The following TBC1D25 variants were observed in gnomAD, a reference collection of about 807,000 sequenced individuals.
TBC1D25 encodes the protein TBC1 domain family member 25, also known as 5SN3 snoRNA.
In TBC1D25, 13 loss-of-function variants were observed where a neutral mutation model predicts 38.8. The observed-to-expected ratio is 0.34, with a 90% CI of 0.22 to 0.53. TBC1D25 has a LOEUF of 0.53. Among genes scored for constraint, TBC1D25 ranks in the 20% least tolerant of loss-of-function variants. TBC1D25 has a pLI of 0.94. For synonymous variants in TBC1D25, 225 were observed against 255.6 expected, an observed-to-expected ratio of 0.88 and a Z score of 1.14; for missense variants, 372 against 600.0, an observed-to-expected ratio of 0.62 and a Z score of 3.97.
rs2062008667 is a variant in TBC1D25 at position 48,559,948 on chromosome X, A to G, written c.1040A>G (p.His347Arg). The G allele has an allele frequency of 8.3e-7, 1 of 1,209,864 alleles. No individual in the cohort carries two copies. Among genetic ancestry groups the G allele is most frequent in the Non-Finnish European group, 1.1e-6 (1 of 895,121 alleles). Residue 347 changes from histidine to arginine, a missense_variant, in exon 6 of 6, where the codon CAT becomes CGT. His to Arg is a conservative substitution (Grantham distance 29). This residue lies in a region of TBC1D25 where 312 missense variants were observed against 549.3 expected (regional missense o/e 0.57). Coordinates refer to ENST00000376771, the MANE Select transcript of TBC1D25 (RefSeq NM_002536.4). Reference sequence around the variant, plus strand: ...TCACCCATCCTCGCTGTCATGGACCATGAGGGCCATGCCTTTGTTTGCTTT... The same window carrying G: ...TCACCCATCCTCGCTGTCATGGACCGTGAGGGCCATGCCTTTGTTTGCTTT... ...LASPILAVMD[H>R]EGHAFVCFCG...
chrX:48,542,043 T>TTG (rs58167550), intron 2 of TBC1D25, among the ~76,000 whole-genome samples: 1 of 106,040 alleles, frequency 9.4e-6, no homozygotes, highest in Non-Finnish European at 1.9e-5. Context: ...TTTTTTTTTT[T>TTG]GAGATGGAGT....
intron 3 of TBC1D25, among the ~76,000 whole-genome samples, chrX:48,555,421 G>C (rs1321668956): frequency 8.9e-6 from 1 of 112,118 alleles, no homozygotes. Context: ...GGCTTAAACA[G>C]ATAGAAGTTG....
chrX:48,549,815 A>G (rs1448224465), intron 3 of TBC1D25, among the ~76,000 whole-genome samples: 1 of 111,577 alleles, frequency 9.0e-6, no homozygotes, highest in African/African-American at 3.3e-5. Flanking sequence ...TTCTCCTATT[A>G]CTTTGGAACA....
intron 3 of TBC1D25, among the ~76,000 whole-genome samples, chrX:48,547,712 G>A (rs782750620): frequency 1.8e-5 from 2 of 111,732 alleles, no homozygotes; most frequent in South Asian, 3.7e-4. Context: ...CGAGGCGGGT[G>A]GATCACCTGA....
intron 3 of TBC1D25, among the ~76,000 whole-genome samples, chrX:48,550,574 TC>T (rs1377460407): frequency 2.7e-5 from 3 of 109,614 alleles, no homozygotes; most frequent in Non-Finnish European, 5.7e-5. Context: ...CCTCCCGGGT[TC>T]ACGCCATTCT....
chrX:48,552,039 T>A (rs1416198504), intron 3 of TBC1D25, among the ~76,000 whole-genome samples: 1 of 111,757 alleles, frequency 8.9e-6, no homozygotes, highest in Non-Finnish European at 1.9e-5. Flanking sequence ...ATGGCTACTA[T>A]TTTTTTCTGT....
At chrX:48,539,967 A>G in intron 1 of TBC1D25, 47 bp downstream of exon 1, 1 of 940,746 alleles carries the variant, frequency 1.1e-6, no homozygotes, top group Non-Finnish European at 1.3e-6. Context: ...ATCCCAGGGG[A>G]GGGGGAGGCG....
rs200459218 is a variant in TBC1D25, at chrX:48,560,300, C to T, written c.1392C>T (p.Pro464=). 41 of 1,209,582 alleles carry T rather than the reference C, an allele frequency of 3.4e-5. No homozygotes were observed. The highest frequency in any genetic ancestry group is 2.8e-4 in the Admixed American group (13 of 45,707). The change falls in exon 6 of 6, where the codon CCC becomes CCT. Residue 464 remains proline (P), a synonymous_variant. Transcript: ENST00000376771. ...GTTTTGGTGGCCACAGGGGGTGGCCCGTGCGACAGAGGCACATGCTGAGGC... is the reference window on the plus strand; with the variant it reads ...GTTTTGGTGGCCACAGGGGGTGGCCTGTGCGACAGAGGCACATGCTGAGGC... ...DAGFGGHRGW[P]VRQRHMLRPA...
At chrX:48,541,609 T>C in intron 2 of TBC1D25, 167 bp downstream of exon 2, 1 of 523,689 alleles carries the variant, frequency 1.9e-6, no homozygotes, top group Non-Finnish European at 3.3e-6. Flanking sequence ...TTGTCTGTGG[T>C]TTTGCTTTCT....
At chrX:48,556,822 T>C (rs782384619) in intron 3 of TBC1D25, among the ~76,000 whole-genome samples, 4 of 108,974 alleles carry the variant, frequency 3.7e-5, no homozygotes, top group Non-Finnish European at 7.6e-5. Flanking sequence ...GTATCAGGGC[T>C]GTAGGAGAGG....
rs201654247 is a variant in TBC1D25, at chrX:48,560,509, T to C, written c.1601T>C (p.Ile534Thr). 7.4e-6 allele frequency: 9 copies of C among 1,209,067 alleles called. No individual in the cohort carries two copies. In the East Asian group the frequency reaches 2.7e-4, roughly 36 times the overall value. The change falls in exon 6 of 6, where the codon ATC becomes ACC. Residue 534 changes from isoleucine to threonine, a missense_variant. Ile to Thr is a moderately conservative substitution (Grantham distance 89). Around this residue, in one of 2 missense-constraint regions of TBC1D25, gnomAD observed 312 missense variants for 549.3 expected, o/e 0.57. Coordinates refer to ENST00000376771, the MANE Select transcript of TBC1D25 (RefSeq NM_002536.4). ...CAGCTGCCCCACCCAGCTGCCCTTA[T>C]CAGCTCCAAGTCCCTCTCTGAGCCT... ...LVQLPHPAAL[I>T]SSKSLSEPLL...
chrX:48,561,243 C>T lies in TBC1D25; in HGVS notation c.*268C>T, dbSNP rs1426740400. 1 of 310,174 alleles carries T rather than the reference C, an allele frequency of 3.2e-6. No individual in the cohort carries two copies. The allele number at this position is 310,174 out of a possible 1,213,427, so 25.6% of individuals were successfully genotyped here. A position where few individuals can be genotyped will look rare whatever the true frequency, so the allele number is the denominator to read the frequency against. ...CACTGTGGTTTGTGTGTTTCTCTGC[C>T]TCCTCCCTGGGTTTTGCTGTAGATG... On this transcript the variant is annotated 3_prime_UTR_variant, in exon 6 of 6. Transcript: ENST00000376771.
chrX:48,559,637 C>T lies in TBC1D25; in HGVS notation c.729C>T (p.Asn243=), dbSNP rs148110826. 5 of 1,208,739 alleles carry T rather than the reference C, an allele frequency of 4.1e-6. No individual in the cohort carries two copies. In the African/African-American group the frequency reaches 5.2e-5, roughly 13 times the overall value. The change falls in exon 6 of 6, where the codon AAC becomes AAT. Residue 243 remains asparagine (N), a synonymous_variant. Transcript: ENST00000376771. ...LRKVVWRYLL[N]VYPDGLTGRE... ...AGGTGGTGTGGCGGTACCTGCTGAA[C>T]GTGTATCCAGATGGACTGACAGGCC...
rs1247945617 is a variant in TBC1D25, at chrX:48,539,899, G to A, written c.102G>A (p.Glu34=). The A allele has an allele frequency of 1.0e-6, 1 of 960,059 alleles. No homozygotes were observed. The highest frequency in any genetic ancestry group is 1.3e-6 in the Non-Finnish European group (1 of 763,885). The allele number at this position is 960,059 out of a possible 1,213,427, so 79.1% of individuals were successfully genotyped here. The change falls in exon 1 of 6, where the codon GAG becomes GAA. Residue 34 remains glutamate, a synonymous_variant. Transcript: ENST00000376771. ...CGGCCGCTGAGGAGGAGGAGCGAGA[G>A]GTGGTGCGGGTCCGAGTCAAGGTGA... ...AAAAAEEEER[E]VVRVRVKKCE...
At chrX:48,557,268 G>A (rs2061983103) in intron 3 of TBC1D25, among the ~76,000 whole-genome samples, 1 of 111,011 alleles carries the variant, frequency 9.0e-6, no homozygotes, top group African/African-American at 3.3e-5. Context: ...AGCACTTTGG[G>A]AGGCCAAGGC....
intron 2 of TBC1D25, among the ~76,000 whole-genome samples, chrX:48,544,319 CT>C (rs35103047): frequency 7.0e-4 from 66 of 94,902 alleles, no homozygotes; most frequent in Middle Eastern, 5.1e-3. Context: ...AGGGGACCAA[CT>C]TTTTTTTTTT....
intron 3 of TBC1D25, among the ~76,000 whole-genome samples, chrX:48,549,373 T>C (rs1214091708): frequency 8.9e-6 from 1 of 112,781 alleles, no homozygotes; most frequent in Non-Finnish European, 1.9e-5. Flanking sequence ...GCAAATATTT[T>C]TCCCAGTTGA....
At chrX:48,558,793 T>C in intron 3 of TBC1D25, 104 bp from the exon 4 acceptor site, 1 of 1,072,663 alleles carries the variant, frequency 9.3e-7, no homozygotes, top group South Asian at 2.1e-5. Flanking sequence ...TGGGAGTTGT[T>C]TGTTCCCCTG....
intron 3 of TBC1D25, among the ~76,000 whole-genome samples, chrX:48,556,521 TA>T (rs1207242367): frequency 7.4e-5 from 8 of 108,590 alleles, no homozygotes; most frequent in Admixed American, 4.0e-4. Context: ...TTTCCCCACA[TA>T]AGGCGGGTGG....
Sources: allele counts gnomAD v4.1 joint callset (sites outside exome capture counted in the v4.1 genomes callset), GRCh38; gene constraint gnomAD v4.1.1; regional missense constraint gnomAD v4.1.1; transcripts MANE v1.5; gene names NCBI Gene and HGNC (gene_info 2026-07-23, HGNC 2026-07-21).